Variants in ZNF75A observed in about 807,000 individuals in gnomAD.
ZNF75A encodes the protein zinc finger protein 75A.
Under a neutral mutation model 46.3 loss-of-function variants are expected in ZNF75A, and 36 were observed. The observed-to-expected ratio is 0.78, with a 90% confidence interval of 0.60 to 1.03. The LOEUF is 1.03. Ranked by LOEUF, ZNF75A falls within the 50% of genes least tolerant of loss-of-function variation. The probability of loss-of-function intolerance (pLI) is 0.00; values close to 1 mark genes in which losing one functional copy is unlikely to be tolerated. For synonymous variants in ZNF75A, 234 were observed against 189.9 expected, an observed-to-expected ratio of 1.23 and a Z score of -1.91; for missense variants, 595 against 551.3, an observed-to-expected ratio of 1.08 and a Z score of -0.79.
Position 3,317,833 on chromosome 16 carries a change from G to T in ZNF75A, c.1578G>T (p.Arg526=), listed in dbSNP as rs541116824. ...CSICRRNFSR[R]SSLLRHQKLH... ...TATGCAGGAGAAACTTCAGCAGGCG[G>T]TCAAGCCTTCTTAGACACCAGAAAC... Residue 526 remains arginine (R), a synonymous_variant, in exon 7 of 7, where the codon CGG becomes CGT. Coordinates refer to ENST00000669516, the MANE Select transcript of ZNF75A (RefSeq NM_001302109.2). The T allele has an allele frequency of 6.2e-7, 1 of 1,613,090 alleles. No homozygotes were observed. The highest frequency in any genetic ancestry group is 8.5e-7 in the Non-Finnish European group (1 of 1,179,334).
intron 1 of ZNF75A, chr16:3,307,343 G>A (rs1323261391): frequency 6.6e-6 from 1 of 152,200 alleles, no homozygotes; most frequent in Non-Finnish European, 1.5e-5. Context: ...TATACATAGA[G>A]AAAATAGTAT....
At chr16:3,322,836 G>C (rs2029995690), downstream of ZNF75A, 1 of 893,442 alleles carries the variant, frequency 1.1e-6, no homozygotes, top group Non-Finnish European at 1.3e-6. Context: ...ATGTCCCTGG[G>C]CTTGGTCGAC....
chr16:3,314,322 A>G (rs950473006), intron 5 of ZNF75A, among the ~76,000 whole-genome samples: 3 of 152,210 alleles, frequency 2.0e-5, no homozygotes, highest in Non-Finnish European at 2.9e-5. Context: ...CCTGCTCAAC[A>G]GATTTTAGTC....
downstream of ZNF75A, among the ~76,000 whole-genome samples, chr16:3,321,133 A>G (rs532861199): frequency 3.3e-5 from 5 of 152,210 alleles, no homozygotes; most frequent in Non-Finnish European, 2.9e-5. Flanking sequence ...AATTACTTAA[A>G]CCATGATATT....
At chr16:3,322,029 G>T (rs2029963113), downstream of ZNF75A, among the ~76,000 whole-genome samples, 1 of 152,022 alleles carries the variant, frequency 6.6e-6, no homozygotes, top group African/African-American at 2.4e-5. Flanking sequence ...GCATTTCCTG[G>T]TCACTCCTCC....
chr16:3,306,868 G>A (rs1246715884), intron 1 of ZNF75A: 1 of 151,856 alleles, frequency 6.6e-6, no homozygotes, highest in Non-Finnish European at 1.5e-5. Flanking sequence ...CTGTATCTGG[G>A]TTTCACTTAC....
chr16:3,322,417 T>C (rs2029977577), downstream of ZNF75A, among the ~76,000 whole-genome samples: 1 of 152,222 alleles, frequency 6.6e-6, no homozygotes, highest in South Asian at 2.1e-4. Flanking sequence ...TGTACTGAAA[T>C]GCCTTCTTCA....
chr16:3,323,264 T>C, downstream of ZNF75A: 1 of 814,800 alleles, frequency 1.2e-6, no homozygotes, highest in Non-Finnish European at 2.1e-6. Flanking sequence ...GGAAGCCCAC[T>C]GTATTTTTGG....
At position 3,317,027 on chromosome 16, in the gene ZNF75A, A is replaced by T; in HGVS notation, c.934+5A>T. 1 of 1,610,096 alleles carries T rather than the reference A, an allele frequency of 6.2e-7. No individual in the cohort carries two copies. Among genetic ancestry groups the T allele is most frequent in the East Asian group, 2.2e-5 (1 of 44,870 alleles). ...GTGCCGGAAAATCTCCTACAGGTAA[A>T]TATACCATGGGAAGTGGAGAAATGT... On this transcript the variant is annotated splice_donor_5th_base_variant and intron_variant, in intron 6 of 6. Transcript: ENST00000669516.
At chr16:3,323,100 G>T, downstream of ZNF75A, 1 of 524,994 alleles carries the variant, frequency 1.9e-6, no homozygotes, top group Non-Finnish European at 3.1e-6. Context: ...AGTCTTTGAA[G>T]ATACTTGATA....
At chr16:3,309,681 A>G (rs1251599806) in intron 2 of ZNF75A, among the ~76,000 whole-genome samples, 2 of 148,980 alleles carry the variant, frequency 1.3e-5, no homozygotes, top group African/African-American at 5.0e-5. Context: ...ACCTGAGCCC[A>G]GGAGGTGGAG....
intron 2 of ZNF75A, chr16:3,309,262 G>A (rs979537758): frequency 6.6e-6 from 1 of 151,966 alleles, no homozygotes; most frequent in Admixed American, 6.6e-5. Flanking sequence ...TTCAAGACCA[G>A]CCTGGACAGC....
intron 2 of ZNF75A, among the ~76,000 whole-genome samples, chr16:3,311,386 C>T (rs1960778750): frequency 6.7e-6 from 1 of 150,344 alleles, no homozygotes; most frequent in Non-Finnish European, 1.5e-5. Flanking sequence ...AGCAGTGAGC[C>T]GAGATTATGC....
Position 3,312,842 on chromosome 16 carries a change from C to T in ZNF75A, c.696+74C>T, listed in dbSNP as rs1960913444. ...TGATTAATACTGTCCAGGAGGGGTTCAGAGGTGTGTTAGTCCCGGGTGTTC... is the reference window on the plus strand; with the variant it reads ...TGATTAATACTGTCCAGGAGGGGTTTAGAGGTGTGTTAGTCCCGGGTGTTC... On this transcript the variant is annotated intron_variant, in intron 4 of 6. Transcript: ENST00000669516. 3.3e-6 allele frequency: 4 copies of T among 1,214,702 alleles called. No homozygotes were observed. In the South Asian group the frequency reaches 6.7e-5, roughly 20 times the overall value. The allele number at this position is 1,214,702 out of a possible 1,614,324, so 75.2% of individuals were successfully genotyped here.
At chr16:3,323,364 G>C (rs547899470), downstream of ZNF75A, 2,641 of 1,060,406 alleles carry the variant, frequency 2.5e-3, 89 homozygotes, top group South Asian at 0.032. Context: ...TCATGAATGA[G>C]GTCTTCCAAG....
At chr16:3,322,600 C>T (rs2029984437), downstream of ZNF75A, among the ~76,000 whole-genome samples, 1 of 152,218 alleles carries the variant, frequency 6.6e-6, no homozygotes, top group Non-Finnish European at 1.5e-5. Flanking sequence ...CTTTTCATTT[C>T]TGCCACAGTT....
rs148774127 is a variant in ZNF75A, at chr16:3,313,972, A to C, written c.823+797A>C. ...CCTCTTGTTTCATTTTATTTGGCAC[A>C]CTGGGCTTCCTGAATACTTCATTTT... On this transcript the variant is annotated intron_variant, in intron 5 of 6. Transcript: ENST00000669516. Among the ~76,000 whole-genome samples, 21 of 152,230 alleles carry C rather than the reference A, an allele frequency of 1.4e-4. 1 individual carries two copies. In the East Asian group the frequency reaches 4.1e-3, roughly 29 times the overall value.
chr16:3,312,149 T>C (rs1159027860), intron 3 of ZNF75A: 3 of 153,734 alleles, frequency 2.0e-5, no homozygotes, highest in Non-Finnish European at 2.9e-5. Flanking sequence ...AACAGAAATA[T>C]CTAAACCACA....
chr16:3,308,821 T>C lies in ZNF75A; in HGVS notation c.393T>C (p.Gly131=). The change falls in exon 2 of 7, where the codon GGT becomes GGC. Residue 131 remains glycine (G), a synonymous_variant. Transcript: ENST00000669516. The part of the protein sequence containing the change: ...ALVEHLQRES[G]QTWNGVAVHE... The stretch of plus-strand genomic sequence containing the variant: ...TAGAACACTTGCAGAGGGAATCTGG[T>C]CAAACATGGAATGGGGTGAGAAGAA... 6.1e-6 allele frequency: 6 copies of C among 985,880 alleles called. No homozygotes were observed. Among genetic ancestry groups the C allele is most frequent in the Non-Finnish European group, 6.0e-6 (5 of 830,014 alleles). 61.1% of individuals were successfully genotyped at this position (985,880 alleles called of 1,614,324 possible). A position where few individuals can be genotyped will look rare whatever the true frequency, so the allele number is the denominator to read the frequency against.
Sources: allele counts gnomAD v4.1 joint callset (sites outside exome capture counted in the v4.1 genomes callset), GRCh38; gene constraint gnomAD v4.1.1; transcripts MANE v1.5; gene names NCBI Gene and HGNC (gene_info 2026-07-23, HGNC 2026-07-21).